DPY19L2: variants seen among roughly 807,000 people sequenced by gnomAD.
DPY19L2 encodes probable C-mannosyltransferase DPY19L2.
DPY19L2 carries 34 observed loss-of-function variants against 97.9 expected under a neutral mutation model. The observed-to-expected ratio is 0.35, with a 90% CI of 0.26 to 0.46. The LOEUF (loss-of-function observed/expected upper bound fraction) is 0.46, where lower values mean the gene tolerates loss of function less well. Ranked by LOEUF, DPY19L2 falls within the 20% of genes least tolerant of loss-of-function variation. The pLI is 1.00. For missense variants in DPY19L2, 623 were observed against 911.4 expected (o/e 0.68, Z 4.07); for synonymous variants, 230 against 307.9 (o/e 0.75, Z 2.65).
chr12:63,573,358 GAATT>G (rs762173428), intron 19 of DPY19L2, among the ~76,000 whole-genome samples: 70 of 152,010 alleles, frequency 4.6e-4, no homozygotes, highest in Admixed American at 2.1e-3. Flanking sequence ...GCAGAAGAAA[GAATT>G]AGTGAGCTTA....
chr12:63,643,977 C>G (rs1893049177), intron 6 of DPY19L2, among the ~76,000 whole-genome samples: 2 of 152,158 alleles, frequency 1.3e-5, no homozygotes, highest in Admixed American at 6.5e-5. Context: ...TCGTGGTACT[C>G]TTATCAAGAT....
chr12:63,663,649 T>C, intron 3 of DPY19L2, 109 bp downstream of exon 3: 4 of 916,608 alleles, frequency 4.4e-6, no homozygotes, highest in South Asian at 1.6e-5. Context: ...TTATAGCTTA[T>C]GAAACAGTGC....
Position 63,580,676 on chromosome 12 carries a change from T to C in DPY19L2, c.1886A>G (p.Tyr629Cys). Residue 629 changes from tyrosine (Y) to cysteine (C), a missense_variant, in exon 19 of 22, where the codon TAC becomes TGC. This residue lies in a region of DPY19L2 where 294 missense variants were observed against 446.2 expected (regional missense o/e 0.66). Transcript: ENST00000324472. The stretch of plus-strand genomic sequence containing the variant: ...TACCTACACACCTGATGTGGTACTG[T>C]ATTTGATCCACTGTAAAAGTTCTTC... ...PQEELLQWIK[Y>C]STTSDAVFAG... 6.2e-7 allele frequency: 1 copy of C among 1,612,620 alleles called. No individual in the cohort carries two copies. Among genetic ancestry groups the C allele is most frequent in the Non-Finnish European group, 8.5e-7 (1 of 1,179,352 alleles).
At chr12:63,585,325 G>T (rs7316001) in intron 16 of DPY19L2, among the ~76,000 whole-genome samples, 11,735 of 152,128 alleles carry the variant, frequency 0.077, 696 homozygotes, top group African/African-American at 0.16. Context: ...AAGTTCAGGG[G>T]TACAGAGACT....
intron 12 of DPY19L2, among the ~76,000 whole-genome samples, chr12:63,605,846 CAT>C: frequency 6.6e-6 from 1 of 152,318 alleles, no homozygotes; most frequent in South Asian, 2.1e-4. Context: ...CATTTAGTGA[CAT>C]GTGACCTTTA....
At chr12:63,562,108 A>G (rs994247287) in intron 21 of DPY19L2, among the ~76,000 whole-genome samples, 4 of 152,128 alleles carry the variant, frequency 2.6e-5, no homozygotes, top group South Asian at 2.1e-4. Flanking sequence ...CAGATGTATT[A>G]AGGCGTAATT....
rs1896586192 is a variant in DPY19L2 at position 63,668,347 on chromosome 12, C to A, written c.47G>T (p.Arg16Leu). 1 of 1,613,382 alleles carries A rather than the reference C, an allele frequency of 6.2e-7. No individual in the cohort carries two copies. Among genetic ancestry groups the A allele is most frequent in the Non-Finnish European group, 8.5e-7 (1 of 1,179,818 alleles). ...VSSKRLQSSGRSQSKGRRGAS... is the reference protein window; with the variant it reads ...VSSKRLQSSGLSQSKGRRGAS... ...CCCGCGCCGCCCCTTAGACTGGCTGCGGCCGGAAGATTGCAGCCGCTTTGA... is the reference window on the plus strand; with the variant it reads ...CCCGCGCCGCCCCTTAGACTGGCTGAGGCCGGAAGATTGCAGCCGCTTTGA... Residue 16 changes from arginine (R) to leucine (L), a missense_variant, in exon 1 of 22, where the codon CGC (arginine) becomes CTC (leucine). Coordinates refer to ENST00000324472, the MANE Select transcript of DPY19L2 (RefSeq NM_173812.5).
At chr12:63,579,404 G>C (rs1198247149) in intron 19 of DPY19L2, among the ~76,000 whole-genome samples, 1 of 152,022 alleles carries the variant, frequency 6.6e-6, no homozygotes, top group East Asian at 1.9e-4. Context: ...TTTAATATGT[G>C]GTAACCATGA....
chr12:63,601,254 G>A (rs1197492317), intron 12 of DPY19L2, among the ~76,000 whole-genome samples: 2 of 152,098 alleles, frequency 1.3e-5, no homozygotes, highest in African/African-American at 4.8e-5. Flanking sequence ...CCATCATCAA[G>A]AAATAACAGT....
chr12:63,607,006 C>T (rs1483902695), intron 12 of DPY19L2, among the ~76,000 whole-genome samples: 1 of 152,086 alleles, frequency 6.6e-6, no homozygotes, highest in Non-Finnish European at 1.5e-5. Flanking sequence ...GCCAAAGATA[C>T]ACAGAGCAAA....
intron 6 of DPY19L2, among the ~76,000 whole-genome samples, chr12:63,642,582 C>T (rs1259558890): frequency 3.9e-5 from 6 of 152,018 alleles, no homozygotes; most frequent in South Asian, 2.1e-4. Flanking sequence ...CACCAATCTG[C>T]GATACCCACT....
chr12:63,639,585 C>A (rs939559934), intron 6 of DPY19L2, among the ~76,000 whole-genome samples: 4 of 152,124 alleles, frequency 2.6e-5, no homozygotes, highest in Admixed American at 6.5e-5. Flanking sequence ...ATGCAGCCAA[C>A]AGACATATGA....
At chr12:63,584,980 G>A (rs1337673378) in intron 16 of DPY19L2, among the ~76,000 whole-genome samples, 1 of 152,126 alleles carries the variant, frequency 6.6e-6, no homozygotes, top group African/African-American at 2.4e-5. Flanking sequence ...AGTTAAGATG[G>A]AAAAGGCATT....
intron 16 of DPY19L2, among the ~76,000 whole-genome samples, chr12:63,585,986 C>T (rs2137401172): frequency 6.6e-6 from 1 of 152,178 alleles, no homozygotes; most frequent in Non-Finnish European, 1.5e-5. Flanking sequence ...GTATTAAAGA[C>T]TCAGTGATGA....
rs563894334 is a variant in DPY19L2 at position 63,583,842 on chromosome 12, A to G, written c.1581-6T>C. 6.2e-7 allele frequency: 1 copy of G among 1,608,766 alleles called. No individual in the cohort carries two copies. The highest frequency in any genetic ancestry group is 1.1e-5 in the South Asian group (1 of 90,626). On this transcript the variant is annotated splice_region_variant and splice_polypyrimidine_tract_variant and intron_variant, in intron 16 of 21. Coordinates refer to ENST00000324472, the MANE Select transcript of DPY19L2 (RefSeq NM_173812.5). ...TGTGTTCAAGGAGCTGTTTTCTAGA[A>G]TAAAACAAAAATATTACCTATTTAC...
intron 11 of DPY19L2, among the ~76,000 whole-genome samples, chr12:63,614,063 G>T (rs7488409): frequency 6.6e-6 from 1 of 151,234 alleles, no homozygotes; most frequent in Non-Finnish European, 1.5e-5. Flanking sequence ...GGTGGCAGGC[G>T]CCTGTAATCC....
At chr12:63,611,509 G>C (rs1445400470) in intron 11 of DPY19L2, among the ~76,000 whole-genome samples, 1 of 151,646 alleles carries the variant, frequency 6.6e-6, no homozygotes, top group African/African-American at 2.4e-5. Context: ...TGGAAGCACT[G>C]AGGCAGTTAG....
At chr12:63,632,407 C>T (rs1181225438) in intron 6 of DPY19L2, among the ~76,000 whole-genome samples, 1 of 152,144 alleles carries the variant, frequency 6.6e-6, no homozygotes, top group Non-Finnish European at 1.5e-5. Flanking sequence ...CACAACCATT[C>T]CTATACACCA....
At position 63,570,239 on chromosome 12, in the gene DPY19L2, T is replaced by C. The variant is rs555250174; in HGVS notation, c.2000+519A>G. Reference sequence around the variant, plus strand: ...ACATCAATGGAAACTAGAGTTCTCATAATCGACTAGTAAAAATACTCTAAA... The same window carrying C: ...ACATCAATGGAAACTAGAGTTCTCACAATCGACTAGTAAAAATACTCTAAA... On this transcript the variant is annotated intron_variant, in intron 20 of 21. Transcript: ENST00000324472. 3.3e-5 allele frequency among the ~76,000 whole-genome samples: 5 copies of C among 152,338 alleles called. No individual in the cohort carries two copies. In the South Asian group the frequency reaches 6.2e-4, roughly 19 times the overall value.
Sources: allele counts gnomAD v4.1 joint callset (sites outside exome capture counted in the v4.1 genomes callset), GRCh38; gene constraint gnomAD v4.1.1; regional missense constraint gnomAD v4.1.1; transcripts MANE v1.5; gene names NCBI Gene and HGNC (gene_info 2026-07-23, HGNC 2026-07-21).